The following IPCEF1 variants were observed in gnomAD, a reference collection of about 807,000 sequenced individuals.
IPCEF1 encodes the protein interactor protein for cytohesin exchange factors 1.
Under a neutral mutation model 50.9 loss-of-function variants are expected in IPCEF1, and 31 were observed. The ratio of observed to expected loss-of-function variants is 0.61; its 90% CI spans 0.46 to 0.82. The LOEUF (loss-of-function observed/expected upper bound fraction) is 0.82, where lower values mean the gene tolerates loss of function less well. IPCEF1 is among the 40% of genes least tolerant of loss of function. The pLI is 0.00. For missense variants in IPCEF1, 458 were observed against 514.0 expected, an observed-to-expected ratio of 0.89 and a Z score of 1.05; for synonymous variants, 181 against 192.0, an observed-to-expected ratio of 0.94 and a Z score of 0.47.
At chr6:154,186,537 G>A (rs982337689) in intron 10 of IPCEF1, among the ~76,000 whole-genome samples, 2 of 151,970 alleles carry the variant, frequency 1.3e-5, no homozygotes, top group Non-Finnish European at 2.9e-5. Context: ...CACGGAGCCA[G>A]AGCAGCTCCT....
At chr6:154,195,450 C>T (rs1346201638) in intron 10 of IPCEF1, among the ~76,000 whole-genome samples, 1 of 151,816 alleles carries the variant, frequency 6.6e-6, no homozygotes, top group African/African-American at 2.4e-5. Context: ...CCTGGCCCAG[C>T]TACAATAATT....
chr6:154,349,098 T>G (rs1467204460), intron 1 of IPCEF1, among the ~76,000 whole-genome samples: 5 of 152,052 alleles, frequency 3.3e-5, no homozygotes, highest in Admixed American at 3.3e-4. Flanking sequence ...TCTTTAGGAG[T>G]GAATAATGTT....
chr6:154,249,208 A>G (rs566845198), intron 3 of IPCEF1, among the ~76,000 whole-genome samples: 2 of 152,276 alleles, frequency 1.3e-5, no homozygotes, highest in Non-Finnish European at 2.9e-5. Context: ...CTTCACAAAT[A>G]TCTCCCACAC....
intron 1 of IPCEF1, among the ~76,000 whole-genome samples, chr6:154,310,947 T>C (rs979296914): frequency 2.0e-5 from 3 of 152,128 alleles, no homozygotes; most frequent in Admixed American, 2.0e-4. Flanking sequence ...TTGCACTGCA[T>C]GGTGAACACA....
At chr6:154,246,872 GGGGAGCT>G in intron 4 of IPCEF1, 112 bp from the exon 5 acceptor site, 4 of 1,278,822 alleles carry the variant, frequency 3.1e-6, no homozygotes, top group Non-Finnish European at 4.1e-6. Flanking sequence ...TTAACCCCCC[GGGGAGCT>G]GGATTTTTCA....
chr6:154,219,980 T>C (rs1778725138), intron 7 of IPCEF1, among the ~76,000 whole-genome samples: 2 of 135,160 alleles, frequency 1.5e-5, no homozygotes, highest in African/African-American at 6.0e-5. Flanking sequence ...CGGATACCTG[T>C]AAGGAGTGTG....
At chr6:154,247,187 C>G (rs1781124503) in intron 4 of IPCEF1, 1 of 482,930 alleles carries the variant, frequency 2.1e-6, no homozygotes, top group Non-Finnish European at 3.7e-6. Context: ...GGGTTAATGC[C>G]CACCTCAATA....
intron 2 of IPCEF1, among the ~76,000 whole-genome samples, chr6:154,278,989 G>A (rs987396249): frequency 1.3e-5 from 2 of 151,006 alleles, no homozygotes; most frequent in Admixed American, 6.6e-5. Flanking sequence ...GCTGGTCATG[G>A]TGGTGTGCAC....
chr6:154,201,452 T>G (rs1246499620), intron 9 of IPCEF1, among the ~76,000 whole-genome samples: 1 of 152,170 alleles, frequency 6.6e-6, no homozygotes, highest in Non-Finnish European at 1.5e-5. Flanking sequence ...ATTTTTAACT[T>G]TATTGGCCAA....
intron 3 of IPCEF1, among the ~76,000 whole-genome samples, chr6:154,257,891 T>A (rs1346654292): frequency 6.6e-6 from 1 of 152,170 alleles, no homozygotes; most frequent in Non-Finnish European, 1.5e-5. Flanking sequence ...TTGGTAGAGA[T>A]GGAGTCATGC....
Position 154,155,391 on chromosome 6 carries a change from G to C in IPCEF1, c.*4437C>G, listed in dbSNP as rs6932232. 2 of 152,152 alleles carry C rather than the reference G, an allele frequency of 1.3e-5. No homozygotes were observed. The highest frequency in any genetic ancestry group is 2.9e-5 in the Non-Finnish European group (2 of 68,036). The allele number at this position is 152,152 out of a possible 1,614,324, so 9.4% of individuals were successfully genotyped here. On this transcript the variant is annotated 3_prime_UTR_variant, in exon 12 of 12. Transcript: ENST00000367220. Reference sequence around the variant, plus strand: ...GAAATAAATTGGAAAACCACAATTGGATATCATATTCTTGTTAGACTGAAG... The same window carrying C: ...GAAATAAATTGGAAAACCACAATTGCATATCATATTCTTGTTAGACTGAAG...
intron 3 of IPCEF1, among the ~76,000 whole-genome samples, chr6:154,260,082 T>C (rs952412449): frequency 2.6e-5 from 4 of 152,184 alleles, no homozygotes; most frequent in Admixed American, 1.3e-4. Flanking sequence ...TGACTACACA[T>C]AGTCACATAA....
chr6:154,288,101 A>G (rs897463834), intron 2 of IPCEF1, among the ~76,000 whole-genome samples: 2 of 152,228 alleles, frequency 1.3e-5, no homozygotes, highest in Non-Finnish European at 2.9e-5. Context: ...GACAACCAGG[A>G]CAACGGGTTT....
chr6:154,345,084 G>T (rs950884651), intron 1 of IPCEF1, among the ~76,000 whole-genome samples: 3 of 152,164 alleles, frequency 2.0e-5, no homozygotes, highest in African/African-American at 2.4e-5. Flanking sequence ...TGCCCAGGCT[G>T]GTCTCAAACT....
chr6:154,345,868 CA>C (rs1296610728), intron 1 of IPCEF1, among the ~76,000 whole-genome samples: 1 of 151,566 alleles, frequency 6.6e-6, no homozygotes, highest in Admixed American at 6.6e-5. Context: ...TTTTTGTAAA[CA>C]CACACTTTTT....
chr6:154,250,544 T>C (rs922964106), intron 3 of IPCEF1, among the ~76,000 whole-genome samples: 1 of 152,220 alleles, frequency 6.6e-6, no homozygotes, highest in Admixed American at 6.5e-5. Flanking sequence ...GTTCAAAAAC[T>C]TCATTTGGCC....
At chr6:154,238,931 A>T (rs1918758) in intron 5 of IPCEF1, among the ~76,000 whole-genome samples, 79,595 of 148,674 alleles carry the variant, frequency 0.54, 21,563 homozygotes, top group Middle Eastern at 0.65. Context: ...TGTTTTTTTT[A>T]AAAAAAAAAA....
rs144235248 is a variant in IPCEF1 at position 154,342,170 on chromosome 6, T to G, written c.-62+14502A>C. Among the ~76,000 whole-genome samples, 228 of 152,288 alleles carry G rather than the reference T, an allele frequency of 1.5e-3. 2 individuals carry two copies. The highest frequency in any genetic ancestry group is 8.3e-3 in the South Asian group (40 of 4,812). ...AAGCATGGACATGCCAATTACACTTTAGGTCTGCAGTCTAAGTCTAGCTCC... is the reference window on the plus strand; with the variant it reads ...AAGCATGGACATGCCAATTACACTTGAGGTCTGCAGTCTAAGTCTAGCTCC... On this transcript the variant is annotated intron_variant, in intron 1 of 11. Coordinates refer to ENST00000367220, the MANE Select transcript of IPCEF1 (RefSeq NM_001130700.2).
At chr6:154,257,745 G>T (rs1781497350) in intron 3 of IPCEF1, among the ~76,000 whole-genome samples, 3 of 152,076 alleles carry the variant, frequency 2.0e-5, no homozygotes, top group African/African-American at 7.2e-5. Context: ...TTTCACCCAG[G>T]CTGGAGTACA....
Sources: allele counts gnomAD v4.1 joint callset (sites outside exome capture counted in the v4.1 genomes callset), GRCh38; gene constraint gnomAD v4.1.1; transcripts MANE v1.5; gene names NCBI Gene and HGNC (gene_info 2026-07-23, HGNC 2026-07-21).